MARCHF1: variants seen among roughly 807,000 people sequenced by gnomAD.
The protein encoded by MARCHF1 is membrane associated ring-CH-type finger 1, also known as E3 ubiquitin-protein ligase MARCHF1.
In MARCHF1, 40 loss-of-function variants were observed where a neutral mutation model predicts 54.2. The ratio of observed to expected loss-of-function variants is 0.74; its 90% confidence interval spans 0.57 to 0.96. The LOEUF (loss-of-function observed/expected upper bound fraction) is 0.96, where lower values mean the gene tolerates loss of function less well. MARCHF1 is among the 40% of genes least tolerant of loss of function. The pLI is 0.00. For missense variants in MARCHF1, 586 were observed against 656.5 expected (o/e 0.89, Z 1.17); for synonymous variants, 236 against 236.3 (o/e 1.00, Z 0.01).
intron 1 of MARCHF1, among the ~76,000 whole-genome samples, chr4:164,343,046 C>T (rs927119018): frequency 5.3e-5 from 8 of 151,970 alleles, no homozygotes; most frequent in African/African-American, 1.9e-4. Context: ...ATAAATAATT[C>T]CTGGAGATCT....
intron 2 of MARCHF1, among the ~76,000 whole-genome samples, chr4:164,098,003 A>G (rs1755451940): frequency 6.6e-6 from 1 of 152,138 alleles, no homozygotes; most frequent in Non-Finnish European, 1.5e-5. Flanking sequence ...ACAAGTGTTT[A>G]GCTCTGTGAT....
intron 3 of MARCHF1, among the ~76,000 whole-genome samples, chr4:163,861,037 T>C (rs979274780): frequency 2.0e-5 from 3 of 152,160 alleles, no homozygotes; most frequent in Non-Finnish European, 4.4e-5. Context: ...ATATCTATGA[T>C]TAATATATTA....
intron 1 of MARCHF1, among the ~76,000 whole-genome samples, chr4:164,231,864 C>T (rs554879002): frequency 6.6e-6 from 1 of 152,204 alleles, no homozygotes; most frequent in South Asian, 2.1e-4. Flanking sequence ...ACCATTTCTA[C>T]TTTCAGGCCC....
At chr4:164,272,894 G>A (rs1733777320) in intron 1 of MARCHF1, among the ~76,000 whole-genome samples, 1 of 151,824 alleles carries the variant, frequency 6.6e-6, no homozygotes, top group South Asian at 2.1e-4. Flanking sequence ...ACCTAGTTGA[G>A]TAATGGTATA....
intron 3 of MARCHF1, among the ~76,000 whole-genome samples, chr4:163,984,443 C>T (rs1461234294): frequency 2.0e-5 from 3 of 152,200 alleles, no homozygotes; most frequent in Non-Finnish European, 2.9e-5. Flanking sequence ...TCCCTCCCAT[C>T]ATCTAAGGTA....
intron 4 of MARCHF1, among the ~76,000 whole-genome samples, chr4:163,746,889 C>A (rs2110759419): frequency 6.6e-6 from 1 of 152,272 alleles, no homozygotes; most frequent in African/African-American, 2.4e-5. Flanking sequence ...ATTGAGGCTC[C>A]TTTCTCAGAG....
intron 1 of MARCHF1, among the ~76,000 whole-genome samples, chr4:164,299,693 T>G (rs886571345): frequency 3.3e-5 from 5 of 152,132 alleles, no homozygotes; most frequent in African/African-American, 1.2e-4. Flanking sequence ...CTATGTTCCA[T>G]GATGTTCTAA....
At position 164,340,238 on chromosome 4, in the gene MARCHF1, CT is replaced by C. The variant is rs913330880; in HGVS notation, c.-323+43631del. 4.8e-3 allele frequency among the ~76,000 whole-genome samples: 678 copies of C among 141,872 alleles called. 21 individuals carry two copies. Among genetic ancestry groups the C allele is most frequent in the East Asian group, 0.019 (91 of 4,856 alleles). The allele number at this position is 141,872 out of a possible 152,430, so 93.1% of individuals were successfully genotyped here. On this transcript the variant is annotated intron_variant, in intron 1 of 9. Transcript: ENST00000514618. ...AGGGAATACTTCCAAACTCATTTTT[CT>C]TTTTTTTTTTTCTTTGAGACAGGGT...
At chr4:164,029,325 G>GGA (rs1280951500) in intron 2 of MARCHF1, among the ~76,000 whole-genome samples, 2 of 152,026 alleles carry the variant, frequency 1.3e-5, no homozygotes, top group East Asian at 1.9e-4. Flanking sequence ...AGAGCAGGAG[G>GGA]GAGAGAGAGA....
chr4:164,175,900 C>A (rs1457738751), intron 1 of MARCHF1, among the ~76,000 whole-genome samples: 1 of 152,094 alleles, frequency 6.6e-6, no homozygotes, highest in African/African-American at 2.4e-5. Flanking sequence ...TCTGGAGAAC[C>A]CTAATACACC....
intron 1 of MARCHF1, among the ~76,000 whole-genome samples, chr4:164,230,296 G>GAC (rs1732379983): frequency 6.6e-6 from 1 of 151,558 alleles, no homozygotes; most frequent in Non-Finnish European, 1.5e-5. Context: ...TCAGGAGGCT[G>GAC]ACACAGGAGA....
At chr4:164,329,528 G>C (rs1343232858) in intron 1 of MARCHF1, among the ~76,000 whole-genome samples, 1 of 152,176 alleles carries the variant, frequency 6.6e-6, no homozygotes, top group East Asian at 1.9e-4. Flanking sequence ...CTTATTCAGA[G>C]GGTATATTAG....
chr4:163,581,995 A>G (rs1740247634), intron 8 of MARCHF1, among the ~76,000 whole-genome samples: 1 of 152,208 alleles, frequency 6.6e-6, no homozygotes, highest in Non-Finnish European at 1.5e-5. Context: ...CAGAAAAAAT[A>G]TATTAGGGGA....
At chr4:164,142,164 G>T (rs1351871898) in intron 1 of MARCHF1, among the ~76,000 whole-genome samples, 1 of 152,208 alleles carries the variant, frequency 6.6e-6, no homozygotes, top group African/African-American at 2.4e-5. Context: ...CTGCCTCGGA[G>T]GGTCCTATGC....
intron 1 of MARCHF1, chr4:164,189,762 A>G: frequency 7.6e-7 from 1 of 1,314,604 alleles, no homozygotes. Context: ...TGTCATAATC[A>G]AGGTCTATGA....
intron 3 of MARCHF1, among the ~76,000 whole-genome samples, chr4:163,970,477 A>G (rs138912911): frequency 3.9e-5 from 6 of 152,318 alleles, no homozygotes; most frequent in African/African-American, 1.2e-4. Flanking sequence ...ACATGGACGG[A>G]TGGGTGGATG....
intron 9 of MARCHF1, among the ~76,000 whole-genome samples, chr4:163,536,431 T>C (rs1228217223): frequency 6.6e-6 from 1 of 152,170 alleles, no homozygotes; most frequent in Non-Finnish European, 1.5e-5. Context: ...TTAGAGGTCA[T>C]TTCCAGCTGG....
At position 163,859,420 on chromosome 4, in the gene MARCHF1, C is replaced by T. The variant is rs545964061; in HGVS notation, c.-38-5251G>A. On this transcript the variant is annotated intron_variant, in intron 3 of 9. Coordinates refer to ENST00000514618, the MANE Select transcript of MARCHF1 (RefSeq NM_001394959.1). Reference sequence around the variant, plus strand: ...TCGTTCCCCAGGTTGAGTGCAATGGCGTGATCTTGGCTCACTGCAACCTCT... The same window carrying T: ...TCGTTCCCCAGGTTGAGTGCAATGGTGTGATCTTGGCTCACTGCAACCTCT... 7.1e-4 allele frequency among the ~76,000 whole-genome samples: 104 copies of T among 146,352 alleles called. 1 individual carries two copies. Among genetic ancestry groups the T allele is most frequent in the South Asian group, 6.9e-3 (32 of 4,650 alleles).
chr4:163,911,236 T>C (rs1487104908), intron 3 of MARCHF1, among the ~76,000 whole-genome samples: 1 of 152,172 alleles, frequency 6.6e-6, no homozygotes, highest in Non-Finnish European at 1.5e-5. Flanking sequence ...GATGGGGTGA[T>C]TGAGTAATTT....
Sources: gnomAD v4.1 joint callset for allele counts (sites outside exome capture counted in the v4.1 genomes callset) on GRCh38, gnomAD v4.1.1 for gene constraint, MANE v1.5 for transcripts, NCBI Gene and HGNC (gene_info 2026-07-23, HGNC 2026-07-21) for gene names.